RAD54B: variants seen among roughly 807,000 people sequenced by gnomAD.
The protein encoded by RAD54B is DNA repair and recombination protein RAD54B.
A neutral mutation model predicts 95.8 loss-of-function variants in RAD54B; 78 were observed. The observed-to-expected ratio is 0.81, with a 90% confidence interval of 0.68 to 0.98. The LOEUF (loss-of-function observed/expected upper bound fraction) is 0.98, where lower values mean the gene tolerates loss of function less well. RAD54B is among the 50% of genes least tolerant of loss of function. RAD54B has a pLI of 0.00. For missense variants in RAD54B, 957 were observed against 1,056.6 expected, an observed-to-expected ratio of 0.91 and a Z score of 1.31; for synonymous variants, 328 against 354.9, an observed-to-expected ratio of 0.92 and a Z score of 0.85.
intron 3 of RAD54B, among the ~76,000 whole-genome samples, chr8:94,452,335 T>C (rs975075324): frequency 3.3e-5 from 5 of 152,240 alleles, no homozygotes; most frequent in African/African-American, 1.2e-4. Context: ...CTGTACTTTA[T>C]CATATAGCAG....
intron 2 of RAD54B, among the ~76,000 whole-genome samples, chr8:94,464,617 T>C (rs910785455): frequency 5.9e-5 from 9 of 152,304 alleles, no homozygotes; most frequent in African/African-American, 2.2e-4. Flanking sequence ...CTAAAATTGA[T>C]TGTGGAGATG....
chr8:94,379,349 G>T (rs911885164), intron 12 of RAD54B, among the ~76,000 whole-genome samples: 3 of 152,076 alleles, frequency 2.0e-5, no homozygotes, highest in African/African-American at 7.2e-5. Flanking sequence ...CAAAATTCTG[G>T]ACACCAAGAC....
intron 7 of RAD54B, 25 bp downstream of exon 7, chr8:94,400,213 A>G: frequency 6.3e-7 from 1 of 1,584,096 alleles, no homozygotes; most frequent in Non-Finnish European, 8.6e-7. Context: ...TTAAATGACT[A>G]AGGCTAAACT....
chr8:94,429,658 G>A, intron 3 of RAD54B: 1 of 983,390 alleles, frequency 1.0e-6, no homozygotes, highest in African/African-American at 1.7e-5. Context: ...AGAATTACAA[G>A]ATTCATTAGA....
intron 7 of RAD54B, among the ~76,000 whole-genome samples, chr8:94,399,976 G>T (rs527800854): frequency 1.3e-5 from 2 of 150,838 alleles, no homozygotes; most frequent in Non-Finnish European, 3.0e-5. Context: ...ATCTCATCAC[G>T]TGGCTCTACC....
chr8:94,386,961 T>C (rs774083778), intron 11 of RAD54B, 23 bp downstream of exon 11: 9 of 1,554,144 alleles, frequency 5.8e-6, no homozygotes, highest in South Asian at 3.7e-5. Context: ...TGAGCACTTA[T>C]AAGTTTGTTA....
At chr8:94,466,408 CTT>C (rs1194398092) in intron 2 of RAD54B, among the ~76,000 whole-genome samples, 127 of 142,894 alleles carry the variant, frequency 8.9e-4, no homozygotes, top group Non-Finnish European at 1.3e-3. Flanking sequence ...CCAGTATTCA[CTT>C]TTTTTTTTTT....
At chr8:94,396,387 CA>C (rs112302212) in intron 8 of RAD54B, among the ~76,000 whole-genome samples, 22,413 of 131,964 alleles carry the variant, frequency 0.17, 2,523 homozygotes, top group African/African-American at 0.34. Context: ...CCTATCCCTA[CA>C]AAAAAAAAAA....
At chr8:94,381,975 A>G (rs974728257) in intron 11 of RAD54B, among the ~76,000 whole-genome samples, 15 of 152,174 alleles carry the variant, frequency 9.9e-5, no homozygotes, top group South Asian at 8.3e-4. Context: ...TTAGTCGGGC[A>G]TGGTGGTGGG....
At chr8:94,444,916 T>C (rs1812485868) in intron 3 of RAD54B, among the ~76,000 whole-genome samples, 1 of 152,198 alleles carries the variant, frequency 6.6e-6, no homozygotes, top group Non-Finnish European at 1.5e-5. Flanking sequence ...TTTGGATCTC[T>C]GTGTCCCAGT....
intron 4 of RAD54B, among the ~76,000 whole-genome samples, chr8:94,409,949 ACTAT>A (rs1274835905): frequency 2.6e-5 from 4 of 152,182 alleles, no homozygotes; most frequent in African/African-American, 7.2e-5. Flanking sequence ...TAGAATGTGT[ACTAT>A]CTATTTTTCT....
At chr8:94,425,218 C>A (rs994739822) in intron 3 of RAD54B, among the ~76,000 whole-genome samples, 1 of 148,770 alleles carries the variant, frequency 6.7e-6, no homozygotes, top group South Asian at 2.1e-4. Context: ...TAAACCTAAG[C>A]CTTTAATATT....
At chr8:94,439,733 T>G (rs1215292311) in intron 3 of RAD54B, among the ~76,000 whole-genome samples, 1 of 152,230 alleles carries the variant, frequency 6.6e-6, no homozygotes, top group Non-Finnish European at 1.5e-5. Flanking sequence ...TTTTCTGGTT[T>G]ACAATTGGTT....
intron 3 of RAD54B, chr8:94,429,219 GA>G: frequency 1.5e-6 from 1 of 666,172 alleles, no homozygotes; most frequent in Non-Finnish European, 1.9e-6. Context: ...ACACACTAAA[GA>G]AAAAGCAATC....
intron 6 of RAD54B, among the ~76,000 whole-genome samples, chr8:94,403,868 C>G (rs1364840349): frequency 8.8e-6 from 1 of 113,404 alleles, no homozygotes; most frequent in East Asian, 2.0e-4. Context: ...ATATGCCCAC[C>G]TCCTAGCAGT....
intron 2 of RAD54B, among the ~76,000 whole-genome samples, chr8:94,459,472 G>A (rs1322036008): frequency 1.3e-5 from 2 of 151,846 alleles, no homozygotes; most frequent in African/African-American, 4.8e-5. Flanking sequence ...TTATATTTTA[G>A]GGACATATTC....
chr8:94,382,145 A>C (rs1219220718), intron 11 of RAD54B, among the ~76,000 whole-genome samples: 1 of 151,502 alleles, frequency 6.6e-6, no homozygotes, highest in African/African-American at 2.4e-5. Context: ...GCGAGAAAGG[A>C]TATCTCCCAG....
chr8:94,407,450 G>A lies in RAD54B; in HGVS notation c.770C>T (p.Pro257Leu). Residue 257 changes from proline to leucine, a missense_variant, in exon 5 of 15, where the codon CCA becomes CTA. Coordinates refer to ENST00000336148, the MANE Select transcript of RAD54B (RefSeq NM_012415.3). Reference sequence around the variant, plus strand: ...TTTTAAAATCTTACTTGGCGTATATGGGTCATGGCGTGGTTTGCAATTTTG... The same window carrying A: ...TTTTAAAATCTTACTTGGCGTATATAGGTCATGGCGTGGTTTGCAATTTTG... ...DFQNCKPRHD[P>L]YTPNSLVMPR... The A allele has an allele frequency of 6.2e-7, 1 of 1,610,886 alleles. No individual in the cohort carries two copies. The highest frequency in any genetic ancestry group is 8.5e-7 in the Non-Finnish European group (1 of 1,177,570).
At chr8:94,394,010 T>A (rs1290010020) in intron 8 of RAD54B, 128 bp from the exon 9 acceptor site, 1 of 827,396 alleles carries the variant, frequency 1.2e-6, no homozygotes, top group African/African-American at 1.7e-5. Context: ...ACAAGCAAAT[T>A]GCCTAAAACT....
Sources: allele counts gnomAD v4.1 joint callset (sites outside exome capture counted in the v4.1 genomes callset), GRCh38; gene constraint gnomAD v4.1.1; transcripts MANE v1.5; gene names NCBI Gene and HGNC (gene_info 2026-07-23, HGNC 2026-07-21).